Variants in SMIM39 observed in about 807,000 individuals in gnomAD.
SMIM39 encodes the protein small integral membrane protein 39.
A neutral mutation model predicts 0.7 loss-of-function variants in SMIM39; 1 was observed. That is an observed-to-expected ratio of 1.34 (90% confidence interval 0.48 to 6.38). The LOEUF is 6.38. SMIM39 is among the 30% of genes most tolerant of loss of function. SMIM39 has a pLI of 0.14. For missense variants in SMIM39, 68 were observed against 75.7 expected (o/e 0.90, Z 0.38); for synonymous variants, 31 against 41.7 (o/e 0.74, Z 0.99).
chr2:131,035,240 T>C, exon 1 of SMIM39: 1 of 1,223,088 alleles, frequency 8.2e-7, no homozygotes, highest in African/African-American at 1.6e-5. Context: ...GTCGTACTGA[T>C]CTTCCTGCTG....
chr2:131,035,247 G>C (rs1558882188), exon 1 of SMIM39: 1 of 1,224,122 alleles, frequency 8.2e-7, no homozygotes, highest in Non-Finnish European at 1.0e-6. Context: ...TGATCTTCCT[G>C]CTGGCCTTCC....
chr2:131,035,195 T>TCA lies in SMIM39; in HGVS notation c.105_106insAC (p.Ser36ThrfsTer15). Reference sequence around the variant, plus strand: ...CCCCCCGGCGCCCAGCGCGTGGTGGTCTCCGCCGTGCTGGCGCTCCTGGTT... The same window carrying TCA: ...CCCCCCGGCGCCCAGCGCGTGGTGGTCACTCCGCCGTGCTGGCGCTCCTGGTT... On this transcript the variant is annotated frameshift_variant, in exon 1 of 1. Coordinates refer to ENST00000635976, the Ensembl canonical transcript of SMIM39. LOFTEE classifies it high-confidence loss of function. 2 of 1,222,618 alleles carry TCA rather than the reference T, an allele frequency of 1.6e-6. No individual in the cohort carries two copies. Among genetic ancestry groups the TCA allele is most frequent in the Non-Finnish European group, 2.0e-6 (2 of 982,150 alleles). 75.7% of individuals were successfully genotyped at this position (1,222,618 alleles called of 1,614,324 possible). A position where few individuals can be genotyped will look rare whatever the true frequency, so the allele number is the denominator to read the frequency against.
exon 1 of SMIM39, chr2:131,035,120 G>A (rs1458386518): frequency 4.3e-6 from 5 of 1,156,302 alleles, no homozygotes; most frequent in Non-Finnish European, 5.3e-6. Context: ...CCCCGGCGCG[G>A]CCCCGCGGCG....
At chr2:131,035,217 G>T (rs1410062536) in exon 1 of SMIM39, 1 of 1,225,212 alleles carries the variant, frequency 8.2e-7, no homozygotes, top group Non-Finnish European at 1.0e-6. Context: ...TGGCGCTCCT[G>T]GTTCTCATCA....
At chr2:131,035,210 C>G (rs1343866416) in exon 1 of SMIM39, 1 of 1,224,438 alleles carries the variant, frequency 8.2e-7, no homozygotes, top group East Asian at 3.2e-5. Flanking sequence ...GCCGTGCTGG[C>G]GCTCCTGGTT....
chr2:131,035,252 CCTTCCG>C, exon 1 of SMIM39: 1 of 1,223,652 alleles, frequency 8.2e-7, no homozygotes, highest in Non-Finnish European at 1.0e-6. Flanking sequence ...TTCCTGCTGG[CCTTCCG>C]CTGAGCGGCC....
chr2:131,035,115 G>A (rs1690150685), exon 1 of SMIM39: 1 of 1,141,144 alleles, frequency 8.8e-7, no homozygotes, highest in Non-Finnish European at 1.1e-6. Context: ...CGCAGCCCCG[G>A]CGCGGCCCCG....
chr2:131,035,102 C>A, exon 1 of SMIM39: 1 of 1,095,886 alleles, frequency 9.1e-7, no homozygotes, highest in Non-Finnish European at 1.1e-6. Context: ...ATGGCGAGGG[C>A]CCCGCAGCCC....
exon 1 of SMIM39, chr2:131,035,099 G>A: frequency 9.2e-7 from 1 of 1,088,368 alleles, no homozygotes; most frequent in Non-Finnish European, 1.1e-6. Context: ...GCCATGGCGA[G>A]GGCCCCGCAG....
chr2:131,035,189 T>G, exon 1 of SMIM39: 1 of 1,217,996 alleles, frequency 8.2e-7, no homozygotes, highest in Non-Finnish European at 1.0e-6. Flanking sequence ...GCCCAGCGCG[T>G]GGTGGTCTCC....
exon 1 of SMIM39, chr2:131,035,159 G>A (rs997586148): frequency 1.6e-6 from 2 of 1,215,358 alleles, no homozygotes; most frequent in East Asian, 3.3e-5. Flanking sequence ...GCCCTGCTGC[G>A]CTGCAACCTG....
In SMIM39 at chr2:131,035,169, GC is replaced by G. The variant is rs1243170891; in HGVS notation, c.84del (p.Gly29AlafsTer21). 3.4e-5 allele frequency: 41 copies of G among 1,219,480 alleles called. No individual in the cohort carries two copies. Among genetic ancestry groups the G allele is most frequent in the Admixed American group, 4.3e-5 (1 of 23,212 alleles). The allele number at this position is 1,219,480 out of a possible 1,614,324, so 75.5% of individuals were successfully genotyped here. ...TGCGCGCCCTGCTGCGCTGCAACCT[GC>G]CCCCCGGCGCCCAGCGCGTGGTGGT... On this transcript the variant is annotated frameshift_variant, in exon 1 of 1. Transcript: ENST00000635976. LOFTEE classifies it high-confidence loss of function.
chr2:131,035,211 G>T (rs1690161880), exon 1 of SMIM39: 2 of 1,224,602 alleles, frequency 1.6e-6, no homozygotes, highest in Admixed American at 4.3e-5. Flanking sequence ...CCGTGCTGGC[G>T]CTCCTGGTTC....
exon 1 of SMIM39, chr2:131,035,152 C>T (rs1690154671): frequency 8.3e-7 from 1 of 1,211,610 alleles, no homozygotes; most frequent in Non-Finnish European, 1.0e-6. Flanking sequence ...CCTGCGCGCC[C>T]TGCTGCGCTG....
At chr2:131,035,249 T>G in exon 1 of SMIM39, 10 of 1,223,848 alleles carry the variant, frequency 8.2e-6, no homozygotes, top group Non-Finnish European at 9.2e-6. Context: ...ATCTTCCTGC[T>G]GGCCTTCCGC....
exon 1 of SMIM39, chr2:131,035,242 T>C: frequency 8.2e-7 from 1 of 1,223,850 alleles, no homozygotes; most frequent in Non-Finnish European, 1.0e-6. Flanking sequence ...CGTACTGATC[T>C]TCCTGCTGGC....
exon 1 of SMIM39, chr2:131,035,097 G>T (rs1049333133): frequency 3.3e-5 from 36 of 1,081,754 alleles, no homozygotes; most frequent in Admixed American, 2.1e-4. Context: ...GCGCCATGGC[G>T]AGGGCCCCGC....
chr2:131,035,140 G>C, exon 1 of SMIM39: 2 of 1,197,626 alleles, frequency 1.7e-6, no homozygotes, highest in Non-Finnish European at 2.1e-6. Flanking sequence ...GCCCGGGAAC[G>C]CCCTGCGCGC....
Position 131,035,115 on chromosome 2 carries a change from GCGCGGCCC to G in SMIM39, c.31_38del (p.Pro11AlafsTer?). On this transcript the variant is annotated frameshift_variant, in exon 1 of 1. Transcript: ENST00000635976. LOFTEE classifies it high-confidence loss of function. The stretch of plus-strand genomic sequence containing the variant: ...CCATGGCGAGGGCCCCGCAGCCCCG[GCGCGGCCC>G]CGCGGCGCCCGGGAACGCCCTGCGC... 8.8e-7 allele frequency: 1 copy of G among 1,141,252 alleles called. No individual in the cohort carries two copies. The highest frequency in any genetic ancestry group is 1.1e-6 in the Non-Finnish European group (1 of 930,846). 70.7% of individuals were successfully genotyped at this position (1,141,252 alleles called of 1,614,324 possible).
Sources: gnomAD v4.1 joint callset for allele counts on GRCh38, gnomAD v4.1.1 for gene constraint, MANE v1.5 for transcripts, NCBI Gene and HGNC (gene_info 2026-07-23, HGNC 2026-07-21) for gene names.